The following ZNF559 variants were observed in gnomAD, a reference collection of about 807,000 sequenced individuals.
ZNF559 encodes putative protein product of Nbla00121.
Under a neutral mutation model 14.2 loss-of-function variants are expected in ZNF559, and 17 were observed. That is an observed-to-expected ratio of 1.20 (90% CI 0.82 to 1.80). The LOEUF (loss-of-function observed/expected upper bound fraction) is 1.80, where lower values mean the gene tolerates loss of function less well. Among genes scored for constraint, ZNF559 ranks in the 40% most tolerant of loss-of-function variants. The probability of loss-of-function intolerance (pLI) is 0.00; values close to 1 mark genes in which losing one functional copy is unlikely to be tolerated. For missense variants in ZNF559, 740 were observed against 629.7 expected (o/e 1.18, Z -1.88); for synonymous variants, 244 against 212.4 (o/e 1.15, Z -1.29).
intron 1 of ZNF559, 68 bp downstream of exon 1, chr19:9,324,296 A>G (rs1197366381): frequency 6.5e-7 from 1 of 1,535,740 alleles, no homozygotes; most frequent in Non-Finnish European, 8.7e-7. Context: ...AGAAGGGTGG[A>G]AAGGGGAGGT....
intron 5 of ZNF559, among the ~76,000 whole-genome samples, chr19:9,340,891 A>T (rs1221093826): frequency 6.6e-6 from 1 of 151,984 alleles, no homozygotes; most frequent in Non-Finnish European, 1.5e-5. Flanking sequence ...TTTCTTAGTG[A>T]ATCACCTACC....
In ZNF559 at chr19:9,324,587, A is replaced by T; in HGVS notation, c.-205-108A>T. The T allele has an allele frequency of 1.4e-5, 16 of 1,114,490 alleles. No homozygotes were observed. The South Asian group carries it at 2.3e-4, about 16-fold the overall frequency. The allele number at this position is 1,114,490 out of a possible 1,614,324, so 69.0% of individuals were successfully genotyped here. On this transcript the variant is annotated intron_variant, in intron 1 of 6. Coordinates refer to ENST00000603380, the MANE Select transcript of ZNF559 (RefSeq NM_032497.3). The stretch of plus-strand genomic sequence containing the variant: ...GGTAGGAGGATTACTTGAGGCCAGG[A>T]GTTCAAGACCAGGCAGGGCAACATA...
At position 9,342,971 on chromosome 19, in the gene ZNF559, A is replaced by T; in HGVS notation, c.1520A>T (p.Tyr507Phe). Reference protein sequence around the residue: ...ECGKAFTRSTYLIRHLRSHSV... With the variant: ...ECGKAFTRSTFLIRHLRSHSV... ...GGGAAAGCCTTTACTCGGTCCACAT[A>T]TCTTATTCGACATCTAAGAAGTCAT... Residue 507 changes from tyrosine (Y) to phenylalanine (F), a missense_variant, in exon 7 of 7, where the codon TAT (tyrosine) becomes TTT (phenylalanine). By Grantham distance (22) the Tyr-to-Phe change is conservative. Transcript: ENST00000603380. 1 of 1,614,232 alleles carries T rather than the reference A, an allele frequency of 6.2e-7. No individual in the cohort carries two copies. The highest frequency in any genetic ancestry group is 8.5e-7 in the Non-Finnish European group (1 of 1,180,044).
At position 9,342,492 on chromosome 19, in the gene ZNF559, C is replaced by T; in HGVS notation, c.1041C>T (p.His347=). 6.2e-7 allele frequency: 1 copy of T among 1,614,110 alleles called. No homozygotes were observed. Among genetic ancestry groups the T allele is most frequent in the African/African-American group, 1.3e-5 (1 of 75,028 alleles). ...GTCTTATAAAACACAGGCGAACTCA[C>T]ACTGGAGAAAAGCCTTATGAATGTA... ...SSGLIKHRRT[H]TGEKPYECKE... Residue 347 remains histidine (H), a synonymous_variant, in exon 7 of 7, where the codon CAC becomes CAT. Transcript: ENST00000603380.
At chr19:9,338,004 T>G (rs768940512) in intron 3 of ZNF559, 146 bp downstream of exon 3, 1 of 1,536,072 alleles carries the variant, frequency 6.5e-7, no homozygotes, top group Non-Finnish European at 8.7e-7. Context: ...TGGCCATTGG[T>G]CTTTCCCTTT....
chr19:9,324,317 A>G (rs1443512186), intron 1 of ZNF559, 89 bp downstream of exon 1: 1 of 1,535,000 alleles, frequency 6.5e-7, no homozygotes. Context: ...GCCCAGTGAA[A>G]TGGAGCCTGT....
chr19:9,330,495 C>T (rs1568359578), intron 2 of ZNF559, among the ~76,000 whole-genome samples: 1 of 152,224 alleles, frequency 6.6e-6, no homozygotes. Flanking sequence ...TTTCTTCACT[C>T]TTTTTCATTG....
intron 2 of ZNF559, among the ~76,000 whole-genome samples, chr19:9,329,067 G>GT (rs2066796277): frequency 8.8e-6 from 1 of 113,674 alleles, no homozygotes; most frequent in Non-Finnish European, 1.8e-5. Flanking sequence ...GTGCAGCTGT[G>GT]TTTTTTTGTT....
intron 3 of ZNF559, 168 bp downstream of exon 3, chr19:9,338,026 G>T (rs747891572): frequency 6.5e-7 from 1 of 1,534,118 alleles, no homozygotes. Context: ...TGGTAAGTCC[G>T]TATTGATGGT....
intron 2 of ZNF559, among the ~76,000 whole-genome samples, chr19:9,328,640 G>T (rs965852298): frequency 6.6e-6 from 1 of 152,090 alleles, no homozygotes; most frequent in East Asian, 1.9e-4. Context: ...CTCCTAAAGT[G>T]CTGGGATTAC....
upstream of ZNF559, chr19:9,323,937 T>C (rs2066425500): frequency 8.8e-6 from 5 of 570,436 alleles, no homozygotes; most frequent in Non-Finnish European, 1.6e-5. Context: ...TTTTGTTGCT[T>C]CATTCTTTCT....
At chr19:9,324,416 G>C (rs973733398) in intron 1 of ZNF559, 188 bp downstream of exon 1, 1 of 1,448,702 alleles carries the variant, frequency 6.9e-7, no homozygotes, top group Non-Finnish European at 9.0e-7. Flanking sequence ...TCTGTCCTCA[G>C]GGGTCGAGGC....
At chr19:9,337,881 C>T (rs2067326251) in intron 3 of ZNF559, 23 bp downstream of exon 3, 2 of 1,528,058 alleles carry the variant, frequency 1.3e-6, no homozygotes, top group South Asian at 2.4e-5. Flanking sequence ...ACTCCCACTA[C>T]TACTTAATCA....
At chr19:9,330,641 C>T (rs1470426719) in intron 2 of ZNF559, among the ~76,000 whole-genome samples, 1 of 152,060 alleles carries the variant, frequency 6.6e-6, no homozygotes, top group Admixed American at 6.5e-5. Context: ...TCCAGTATTT[C>T]TCTTTTGTTC....
At chr19:9,328,489 G>A (rs913982878) in intron 2 of ZNF559, among the ~76,000 whole-genome samples, 4 of 151,572 alleles carry the variant, frequency 2.6e-5, no homozygotes, top group African/African-American at 9.7e-5. Flanking sequence ...GAGTAGCTGG[G>A]ATTACAGGCT....
chr19:9,334,379 C>T (rs1599318920), intron 2 of ZNF559, among the ~76,000 whole-genome samples: 2 of 152,114 alleles, frequency 1.3e-5, no homozygotes, highest in East Asian at 1.9e-4. Flanking sequence ...TTCAGATTTT[C>T]AGATTAGAGA....
intron 2 of ZNF559, among the ~76,000 whole-genome samples, chr19:9,330,567 TTGA>T (rs1343215621): frequency 6.6e-6 from 1 of 152,220 alleles, no homozygotes; most frequent in Non-Finnish European, 1.5e-5. Flanking sequence ...ATTCTTCTGT[TTGA>T]TGATGTCTGC....
rs780949437 is a variant in ZNF559, at chr19:9,342,887, G to T, written c.1436G>T (p.Gly479Val). ...KCGQAFSISSGLTVHMRTHTG... is the reference protein window; with the variant it reads ...KCGQAFSISSVLTVHMRTHTG... ...GGGCAAGCCTTCAGTATCTCATCAG[G>T]CCTTACAGTACACATGAGAACTCAC... Residue 479 changes from glycine to valine, a missense_variant, in exon 7 of 7, where the codon GGC (glycine) becomes GTC (valine). Transcript: ENST00000603380. 1 of 1,612,990 alleles carries T rather than the reference G, an allele frequency of 6.2e-7. No individual in the cohort carries two copies. The highest frequency in any genetic ancestry group is 8.5e-7 in the Non-Finnish European group (1 of 1,179,734).
chr19:9,324,198 T>A lies in ZNF559; in HGVS notation c.-236T>A, dbSNP rs1046187089. On this transcript the variant is annotated 5_prime_UTR_variant, in exon 1 of 7. Coordinates refer to ENST00000603380, the MANE Select transcript of ZNF559 (RefSeq NM_032497.3). ...GGGCGCATGCGCATAACGGCCGCCA[T>A]CTTAACAGCGCGTTCCCGTTGGCGT... is the stretch of plus-strand genomic sequence containing the variant. 1 of 1,535,942 alleles carries A rather than the reference T, an allele frequency of 6.5e-7. No individual in the cohort carries two copies. Among genetic ancestry groups the A allele is most frequent in the African/African-American group, 1.4e-5 (1 of 73,034 alleles).
Sources: allele counts gnomAD v4.1 joint callset (sites outside exome capture counted in the v4.1 genomes callset), GRCh38; gene constraint gnomAD v4.1.1; transcripts MANE v1.5; gene names NCBI Gene and HGNC (gene_info 2026-07-23, HGNC 2026-07-21).